USH2A: variants seen among roughly 807,000 people sequenced by gnomAD.
USH2A encodes the protein Usher syndrome 2A (autosomal recessive, mild).
Under a neutral mutation model 538.9 loss-of-function variants are expected in USH2A, and 443 were observed. That is an observed-to-expected ratio of 0.82 (90% CI 0.76 to 0.89). USH2A has a LOEUF of 0.89. Ranked by LOEUF, USH2A falls within the 40% of genes least tolerant of loss-of-function variation. USH2A has a pLI of 0.00. For synonymous variants in USH2A, 2,413 were observed against 2,273.5 expected, an observed-to-expected ratio of 1.06 and a Z score of -1.75; for missense variants, 6,633 against 6,324.8, an observed-to-expected ratio of 1.05 and a Z score of -1.65.
intron 32 of USH2A, among the ~76,000 whole-genome samples, chr1:216,036,399 G>A (rs1433328177): frequency 6.6e-6 from 1 of 151,936 alleles, no homozygotes; most frequent in African/African-American, 2.4e-5. Context: ...TAGTATTTTG[G>A]TATATGTCCA....
At chr1:216,413,224 C>T (rs74141593) in intron 3 of USH2A, among the ~76,000 whole-genome samples, 1 of 151,752 alleles carries the variant, frequency 6.6e-6, no homozygotes, top group Non-Finnish European at 1.5e-5. Context: ...AGAGTCAGAG[C>T]TAAATGCAAT....
chr1:216,214,191 C>T (rs2102491597), intron 15 of USH2A, among the ~76,000 whole-genome samples: 1 of 152,010 alleles, frequency 6.6e-6, no homozygotes, highest in Admixed American at 6.6e-5. Context: ...CCTTTTTATT[C>T]TCAGGATATA....
intron 3 of USH2A, among the ~76,000 whole-genome samples, chr1:216,412,611 T>A (rs946803839): frequency 1.3e-5 from 2 of 151,952 alleles, no homozygotes; most frequent in African/African-American, 2.4e-5. Context: ...CATGTAAATA[T>A]CTGAAGCATT....
At chr1:216,239,712 G>C (rs1257115203) in intron 13 of USH2A, among the ~76,000 whole-genome samples, 2 of 152,150 alleles carry the variant, frequency 1.3e-5, no homozygotes, top group Non-Finnish European at 2.9e-5. Context: ...ATGGAAGAAA[G>C]ATAAAGGGGA....
chr1:216,055,594 T>C (rs2030949872), intron 30 of USH2A, among the ~76,000 whole-genome samples: 1 of 152,182 alleles, frequency 6.6e-6, no homozygotes, highest in Non-Finnish European at 1.5e-5. Context: ...GACACAGTGA[T>C]CCCATGAAAC....
chr1:215,916,005 T>G (rs527562939), intron 38 of USH2A, among the ~76,000 whole-genome samples: 9 of 116,602 alleles, frequency 7.7e-5, no homozygotes, highest in African/African-American at 2.7e-4. Flanking sequence ...CATGGACACA[T>G]GAAGGGGAAC....
At chr1:215,712,635 T>C (rs1659369713) in intron 61 of USH2A, among the ~76,000 whole-genome samples, 1 of 152,200 alleles carries the variant, frequency 6.6e-6, no homozygotes, top group Non-Finnish European at 1.5e-5. Flanking sequence ...CCTTGTCTTT[T>C]CTTTCCCCAC....
At chr1:216,199,186 T>A (rs1464811515) in intron 17 of USH2A, among the ~76,000 whole-genome samples, 1 of 152,218 alleles carries the variant, frequency 6.6e-6, no homozygotes, top group African/African-American at 2.4e-5. Context: ...AATGCATGAA[T>A]GCAAAAATTA....
At chr1:215,887,520 CATATTT>C (rs1296748326) in intron 41 of USH2A, among the ~76,000 whole-genome samples, 1 of 152,190 alleles carries the variant, frequency 6.6e-6, no homozygotes, top group Admixed American at 6.5e-5. Context: ...ATTCTATACA[CATATTT>C]ATATCAAAAA....
At chr1:215,683,435 G>T (rs528436315) in intron 61 of USH2A, among the ~76,000 whole-genome samples, 2 of 152,290 alleles carry the variant, frequency 1.3e-5, no homozygotes, top group South Asian at 4.1e-4. Context: ...TCTCCTGAAT[G>T]AATTTCCAAC....
At chr1:215,872,586 AG>A (rs1339692034) in intron 43 of USH2A, among the ~76,000 whole-genome samples, 3 of 152,160 alleles carry the variant, frequency 2.0e-5, no homozygotes, top group African/African-American at 7.2e-5. Context: ...AGAAAACACT[AG>A]GGGAAAAAAA....
intron 8 of USH2A, among the ~76,000 whole-genome samples, chr1:216,322,604 CAAAA>C (rs202180946): frequency 2.8e-5 from 2 of 72,718 alleles, no homozygotes; most frequent in Non-Finnish European, 2.9e-5. Flanking sequence ...AAAAGCCTGT[CAAAA>C]AAAAAAAAAA....
rs561035780 is a variant in USH2A, at chr1:216,100,909, A to G, written c.4628-3696T>C. ...GTTTTATGCTTATATGAGAAAATGC[A>G]CTGCTAGTGCAACTAAAATATAATA... On this transcript the variant is annotated intron_variant, in intron 21 of 71. Coordinates refer to ENST00000307340, the MANE Select transcript of USH2A (RefSeq NM_206933.4). 1.1e-4 allele frequency among the ~76,000 whole-genome samples: 17 copies of G among 152,338 alleles called. No homozygotes were observed. The East Asian group carries it at 3.1e-3, about 28-fold the overall frequency.
At chr1:215,687,380 C>T (rs4255356) in intron 61 of USH2A, among the ~76,000 whole-genome samples, 89,672 of 135,638 alleles carry the variant, frequency 0.66, 27,527 homozygotes, top group East Asian at 0.9. Flanking sequence ...TTTTTTTTTT[C>T]CTCTCTTTAG....
chr1:216,117,763 TACACACAGAAACACAGAC>T (rs2033040889), intron 21 of USH2A, among the ~76,000 whole-genome samples: 1 of 151,212 alleles, frequency 6.6e-6, no homozygotes, highest in African/African-American at 2.4e-5. Context: ...TGACCTCATA[TACACACAGAAACACAGAC>T]ACACATACAC....
At chr1:216,124,900 T>G (rs1409110722) in intron 21 of USH2A, among the ~76,000 whole-genome samples, 2 of 152,180 alleles carry the variant, frequency 1.3e-5, no homozygotes, top group African/African-American at 4.8e-5. Context: ...ACCTCATTTA[T>G]CTGGTGTTAT....
intron 30 of USH2A, among the ~76,000 whole-genome samples, chr1:216,051,149 C>T (rs970712102): frequency 5.3e-5 from 8 of 152,106 alleles, no homozygotes; most frequent in East Asian, 1.9e-4. Context: ...TCTAAACACT[C>T]GCCTTTGCTA....
At chr1:215,733,205 CG>C (rs1402388359) in intron 60 of USH2A, among the ~76,000 whole-genome samples, 2 of 49,602 alleles carry the variant, frequency 4.0e-5, no homozygotes, top group Non-Finnish European at 8.4e-5. Flanking sequence ...GGCGGGGGGG[CG>C]GGGGGCGGGT....
chr1:216,402,996 T>A (rs2039334495), intron 3 of USH2A, among the ~76,000 whole-genome samples: 1 of 152,148 alleles, frequency 6.6e-6, no homozygotes, highest in Non-Finnish European at 1.5e-5. Flanking sequence ...AACATTAAGT[T>A]TCTACCTCAA....
Sources: gnomAD v4.1 joint callset for allele counts (sites outside exome capture counted in the v4.1 genomes callset) on GRCh38, gnomAD v4.1.1 for gene constraint, MANE v1.5 for transcripts, NCBI Gene and HGNC (gene_info 2026-07-23, HGNC 2026-07-21) for gene names.